The following BICC1 variants were observed in gnomAD, a reference collection of about 807,000 sequenced individuals.
BICC1 encodes protein bicaudal C homolog 1.
Under a neutral mutation model 111.0 loss-of-function variants are expected in BICC1, and 43 were observed. That is an observed-to-expected ratio of 0.39 (90% CI 0.30 to 0.50). The LOEUF (loss-of-function observed/expected upper bound fraction) is 0.50. Among genes scored for constraint, BICC1 ranks in the 20% least tolerant of loss-of-function variants. BICC1 has a pLI of 0.88. For missense variants in BICC1, 1,091 were observed against 1,203.2 expected (o/e 0.91, Z 1.38); for synonymous variants, 467 against 434.4 (o/e 1.07, Z -0.93).
chr10:58,658,944 A>C (rs901812192), intron 2 of BICC1, among the ~76,000 whole-genome samples: 23 of 152,172 alleles, frequency 1.5e-4, no homozygotes, highest in African/African-American at 5.3e-4. Context: ...TTGGTTCTGC[A>C]CCCTCCCAGC....
At chr10:58,780,798 C>T (rs1468852275) in intron 3 of BICC1, among the ~76,000 whole-genome samples, 1 of 152,010 alleles carries the variant, frequency 6.6e-6, no homozygotes, top group African/African-American at 2.4e-5. Context: ...ATTCAGTATT[C>T]TTACAATAGA....
intron 1 of BICC1, among the ~76,000 whole-genome samples, chr10:58,602,948 T>C (rs1845088697): frequency 6.6e-6 from 1 of 152,174 alleles, no homozygotes; most frequent in African/African-American, 2.4e-5. Flanking sequence ...AATCCTCCAG[T>C]TCCACTGGAC....
intron 8 of BICC1, 149 bp from the exon 9 acceptor site, chr10:58,793,335 G>A: frequency 2.6e-6 from 2 of 759,430 alleles, no homozygotes; most frequent in Non-Finnish European, 4.1e-6. Flanking sequence ...TGTCCTCTAA[G>A]CTATGTGAAC....
chr10:58,734,971 A>G (rs1216952348), intron 3 of BICC1, among the ~76,000 whole-genome samples: 1 of 152,150 alleles, frequency 6.6e-6, no homozygotes, highest in Non-Finnish European at 1.5e-5. Flanking sequence ...TCATCCCCTC[A>G]CTAGTTGCCA....
At chr10:58,606,889 A>C (rs1051152318) in intron 1 of BICC1, among the ~76,000 whole-genome samples, 6 of 152,098 alleles carry the variant, frequency 3.9e-5, no homozygotes, top group African/African-American at 1.4e-4. Flanking sequence ...AAATTCGGTT[A>C]GTTGGTCTTG....
intron 1 of BICC1, among the ~76,000 whole-genome samples, chr10:58,564,168 C>G (rs1309193087): frequency 1.3e-5 from 2 of 152,008 alleles, no homozygotes; most frequent in Non-Finnish European, 2.9e-5. Context: ...TCTTCTTTTT[C>G]CTTTTCTTTT....
At chr10:58,622,540 G>T (rs1845851795) in intron 2 of BICC1, among the ~76,000 whole-genome samples, 1 of 152,136 alleles carries the variant, frequency 6.6e-6, no homozygotes, top group Admixed American at 6.5e-5. Context: ...TTCTATTCTT[G>T]GTCACAGATT....
intron 3 of BICC1, among the ~76,000 whole-genome samples, chr10:58,718,609 A>C (rs2132512608): frequency 6.6e-6 from 1 of 152,306 alleles, no homozygotes; most frequent in South Asian, 2.1e-4. Context: ...CTAGAATGAA[A>C]TGAATTGACC....
intron 1 of BICC1, among the ~76,000 whole-genome samples, chr10:58,611,523 T>A (rs768484690): frequency 6.6e-6 from 1 of 151,786 alleles, no homozygotes; most frequent in Non-Finnish European, 1.5e-5. Context: ...TTGCCCGGGC[T>A]GGAGTACAGT....
chr10:58,691,538 C>T (rs2132410253), intron 2 of BICC1, among the ~76,000 whole-genome samples: 1 of 152,294 alleles, frequency 6.6e-6, no homozygotes, highest in East Asian at 1.9e-4. Context: ...AAAAGTGGGA[C>T]CCATGCTTGC....
chr10:58,760,853 A>T (rs1198850169), intron 3 of BICC1, among the ~76,000 whole-genome samples: 2 of 152,164 alleles, frequency 1.3e-5, no homozygotes, highest in African/African-American at 4.8e-5. Context: ...TATAGAAAAG[A>T]CTTACTTTGC....
At chr10:58,719,520 T>G (rs1290973004) in intron 3 of BICC1, among the ~76,000 whole-genome samples, 2 of 152,186 alleles carry the variant, frequency 1.3e-5, no homozygotes, top group Non-Finnish European at 2.9e-5. Flanking sequence ...TTCTTTTTTT[T>G]TTTTGAGACG....
intron 1 of BICC1, among the ~76,000 whole-genome samples, chr10:58,610,532 C>A (rs1845382519): frequency 6.6e-6 from 1 of 152,000 alleles, no homozygotes. Context: ...AATTTTAAAA[C>A]ACAGTCTCAA....
chr10:58,676,554 T>C (rs1589006321), intron 2 of BICC1, among the ~76,000 whole-genome samples: 1 of 152,196 alleles, frequency 6.6e-6, no homozygotes, highest in Admixed American at 6.5e-5. Context: ...AGTCAGGGGC[T>C]TATAGCTAAA....
At chr10:58,755,233 G>T (rs1181204482) in intron 3 of BICC1, among the ~76,000 whole-genome samples, 1 of 152,098 alleles carries the variant, frequency 6.6e-6, no homozygotes, top group Non-Finnish European at 1.5e-5. Flanking sequence ...AACTTGGTTT[G>T]ATTTGGAATT....
At chr10:58,723,549 T>TAC (rs1841005355) in intron 3 of BICC1, among the ~76,000 whole-genome samples, 1 of 152,178 alleles carries the variant, frequency 6.6e-6, no homozygotes, top group Non-Finnish European at 1.5e-5. Flanking sequence ...GAGACGGGTA[T>TAC]GGCAGAAAGC....
chr10:58,807,263 A>C, intron 17 of BICC1, 105 bp downstream of exon 17: 1 of 1,058,488 alleles, frequency 9.4e-7, no homozygotes, highest in Non-Finnish European at 1.3e-6. Context: ...GAAAATGATT[A>C]GTGGTGACTT....
At chr10:58,680,707 T>C (rs998086563) in intron 2 of BICC1, among the ~76,000 whole-genome samples, 1 of 152,112 alleles carries the variant, frequency 6.6e-6, no homozygotes, top group African/African-American at 2.4e-5. Flanking sequence ...AAAGAGCCTG[T>C]ATAGCCAAGA....
At chr10:58,659,355 G>A (rs1819173341) in intron 2 of BICC1, among the ~76,000 whole-genome samples, 1 of 152,110 alleles carries the variant, frequency 6.6e-6, no homozygotes, top group African/African-American at 2.4e-5. Context: ...TGGTAGACTG[G>A]ATAAAGAAAA....
Sources: gnomAD v4.1 joint callset for allele counts (sites outside exome capture counted in the v4.1 genomes callset) on GRCh38, gnomAD v4.1.1 for gene constraint, MANE v1.5 for transcripts, NCBI Gene and HGNC (gene_info 2026-07-23, HGNC 2026-07-21) for gene names.